The following FMN2 variants were observed in gnomAD, a reference collection of about 807,000 sequenced individuals.
FMN2 encodes the protein formin-2.
A neutral mutation model predicts 142.3 loss-of-function variants in FMN2; 51 were observed. The ratio of observed to expected loss-of-function variants is 0.36; its 90% CI spans 0.29 to 0.45. The LOEUF is 0.45. FMN2 is among the 20% of genes least tolerant of loss of function. FMN2 has a pLI of 1.00. For synonymous variants in FMN2, 882 were observed against 869.8 expected, an observed-to-expected ratio of 1.01 and a Z score of -0.25; for missense variants, 1,936 against 2,122.8, an observed-to-expected ratio of 0.91 and a Z score of 1.73.
intron 14 of FMN2, among the ~76,000 whole-genome samples, chr1:240,384,193 A>T (rs374160785): frequency 6.6e-6 from 1 of 151,970 alleles, no homozygotes; most frequent in South Asian, 2.1e-4. Flanking sequence ...CTACCTATTG[A>T]GTACCATGTT....
intron 2 of FMN2, among the ~76,000 whole-genome samples, chr1:240,151,022 C>T (rs552671802): frequency 1.2e-4 from 19 of 152,282 alleles, no homozygotes; most frequent in African/African-American, 4.6e-4. Flanking sequence ...AATTAACCAT[C>T]CTTCTATGGG....
chr1:240,224,360 G>C (rs943150752), intron 6 of FMN2, among the ~76,000 whole-genome samples: 1 of 152,114 alleles, frequency 6.6e-6, no homozygotes, highest in African/African-American at 2.4e-5. Context: ...TGTTTGTTAT[G>C]ATTTCCATTC....
At chr1:240,310,944 T>C (rs1670584864) in intron 8 of FMN2, among the ~76,000 whole-genome samples, 1 of 152,074 alleles carries the variant, frequency 6.6e-6, no homozygotes, top group Non-Finnish European at 1.5e-5. Context: ...AAACAAAAAA[T>C]CTTAAGTATT....
At chr1:240,177,789 T>A in intron 2 of FMN2, 132 bp from the exon 3 acceptor site, 1 of 685,974 alleles carries the variant, frequency 1.5e-6, no homozygotes, top group Non-Finnish European at 2.1e-6. Flanking sequence ...ATAAAAATGC[T>A]GTTTTAATGT....
intron 1 of FMN2, among the ~76,000 whole-genome samples, chr1:240,110,162 A>G (rs1558299606): frequency 6.6e-6 from 1 of 152,200 alleles, no homozygotes; most frequent in East Asian, 1.9e-4. Context: ...AAAGTTGGTC[A>G]GAAGCTTTTC....
intron 2 of FMN2, among the ~76,000 whole-genome samples, chr1:240,159,219 A>C (rs1664157301): frequency 6.6e-6 from 1 of 152,046 alleles, no homozygotes. Context: ...CACCCTATGA[A>C]ACTTATCTTT....
intron 15 of FMN2, among the ~76,000 whole-genome samples, chr1:240,392,917 G>A (rs975389624): frequency 3.3e-5 from 5 of 152,184 alleles, no homozygotes; most frequent in Non-Finnish European, 7.3e-5. Flanking sequence ...TGAAGTCTAG[G>A]TAGGAAGCGA....
intron 8 of FMN2, among the ~76,000 whole-genome samples, chr1:240,309,085 CTAATA>C (rs1452096237): frequency 2.6e-5 from 4 of 152,032 alleles, no homozygotes; most frequent in Non-Finnish European, 5.9e-5. Context: ...AAACCACAGA[CTAATA>C]TAAGCAGAAG....
intron 2 of FMN2, among the ~76,000 whole-genome samples, chr1:240,146,947 A>T (rs1034956822): frequency 1.4e-5 from 2 of 138,334 alleles, no homozygotes; most frequent in South Asian, 4.9e-4. Flanking sequence ...CTAATGGTGG[A>T]TGATGTTCTC....
rs546930011 is a variant in FMN2, at chr1:240,138,009, G to C, written c.1782+14664G>C. ...GAATCCGGGAGGCAGAGGTTGCAGT[G>C]AGCTGAGATCACACCACTGCACTCC... On this transcript the variant is annotated intron_variant, in intron 2 of 17. Transcript: ENST00000319653. Among the ~76,000 whole-genome samples the C allele has an allele frequency of 2.1e-5, 3 of 145,294 alleles. No homozygotes were observed. The East Asian group carries it at 6.2e-4, about 30-fold the overall frequency.
At chr1:240,226,606 A>G (rs1452621838) in intron 6 of FMN2, among the ~76,000 whole-genome samples, 1 of 152,138 alleles carries the variant, frequency 6.6e-6, no homozygotes, top group Non-Finnish European at 1.5e-5. Context: ...ACTGGTAAAC[A>G]TTTTTTATCT....
intron 1 of FMN2, among the ~76,000 whole-genome samples, chr1:240,103,224 A>T (rs1453750269): frequency 6.6e-6 from 1 of 152,348 alleles, no homozygotes; most frequent in South Asian, 2.1e-4. Context: ...CTAAATTCAC[A>T]GATCATTTTC....
In FMN2 at chr1:240,313,388, AG is replaced by A. The variant is rs1294479183; in HGVS notation, c.4216-15687del. On this transcript the variant is annotated intron_variant, in intron 8 of 17. Transcript: ENST00000319653. ...TCTGACACTTAATATAAAGTAGTGCAGTAATGTATAATATTATATGATGTAT... is the reference window on the plus strand; with the variant it reads ...TCTGACACTTAATATAAAGTAGTGCATAATGTATAATATTATATGATGTAT... Among the ~76,000 whole-genome samples, 3 of 152,362 alleles carry A rather than the reference AG, an allele frequency of 2.0e-5. No homozygotes were observed. In the East Asian group the frequency reaches 5.8e-4, roughly 29 times the overall value.
intron 15 of FMN2, among the ~76,000 whole-genome samples, chr1:240,430,123 T>C (rs1046912554): frequency 6.6e-6 from 1 of 152,054 alleles, no homozygotes; most frequent in African/African-American, 2.4e-5. Context: ...CCTGACCTCA[T>C]GATCCGCCCG....
At chr1:240,169,720 C>A (rs954741415) in intron 2 of FMN2, among the ~76,000 whole-genome samples, 4 of 152,128 alleles carry the variant, frequency 2.6e-5, no homozygotes, top group African/African-American at 9.7e-5. Context: ...AGTAATACTC[C>A]TGCCTCGGCC....
chr1:240,138,780 G>C (rs78908624), intron 2 of FMN2, among the ~76,000 whole-genome samples: 516 of 152,204 alleles, frequency 3.4e-3, no homozygotes, highest in Non-Finnish European at 5.5e-3. Context: ...AAGTATCCAG[G>C]GAGTTGCACT....
intron 14 of FMN2, among the ~76,000 whole-genome samples, chr1:240,367,437 T>G (rs1672709234): frequency 6.6e-6 from 1 of 152,164 alleles, no homozygotes; most frequent in Admixed American, 6.5e-5. Flanking sequence ...GTGATATCTA[T>G]CAACCTTTTT....
chr1:240,385,567 A>G (rs1232467468), intron 14 of FMN2, among the ~76,000 whole-genome samples: 1 of 152,296 alleles, frequency 6.6e-6, no homozygotes, highest in East Asian at 1.9e-4. Context: ...TCTAGTTGGA[A>G]AATTGTTCCA....
chr1:240,274,220 CG>C (rs1228850091), intron 7 of FMN2, among the ~76,000 whole-genome samples: 7 of 99,252 alleles, frequency 7.1e-5, no homozygotes, highest in African/African-American at 1.3e-4. Flanking sequence ...ATGGGGGAAA[CG>C]AAAAAAAAAA....
Sources: allele counts gnomAD v4.1 joint callset (sites outside exome capture counted in the v4.1 genomes callset), GRCh38; gene constraint gnomAD v4.1.1; transcripts MANE v1.5; gene names NCBI Gene and HGNC (gene_info 2026-07-23, HGNC 2026-07-21).